The following FOXP1 variants were observed in gnomAD, a reference collection of about 807,000 sequenced individuals.
FOXP1 encodes forkhead box P1, also known as forkhead box protein P1.
Under a neutral mutation model 98.2 loss-of-function variants are expected in FOXP1, and 15 were observed. That is an observed-to-expected ratio of 0.15 (90% CI 0.10 to 0.24). The LOEUF (loss-of-function observed/expected upper bound fraction) is 0.24. FOXP1 is among the 10% of genes least tolerant of loss of function. FOXP1 has a pLI of 1.00. For synonymous variants in FOXP1, 371 were observed against 314.5 expected (o/e 1.18, Z -1.90); for missense variants, 633 against 848.5 (o/e 0.75, Z 3.15).
chr3:71,127,617 T>C (rs1045291549), intron 6 of FOXP1, among the ~76,000 whole-genome samples: 2 of 152,218 alleles, frequency 1.3e-5, no homozygotes, highest in Non-Finnish European at 2.9e-5. Flanking sequence ...GGGCTGACTA[T>C]GTCACAGGAA....
chr3:71,255,633 T>G (rs2068560016), intron 5 of FOXP1, among the ~76,000 whole-genome samples: 1 of 152,198 alleles, frequency 6.6e-6, no homozygotes, highest in Non-Finnish European at 1.5e-5. Flanking sequence ...CTCTGTTTAT[T>G]AGCAAAAGAA....
chr3:71,169,803 T>G (rs1341872243), intron 6 of FOXP1, among the ~76,000 whole-genome samples: 1 of 151,972 alleles, frequency 6.6e-6, no homozygotes, highest in Non-Finnish European at 1.5e-5. Flanking sequence ...AAAAAAAGAT[T>G]TTTTGCTCAG....
chr3:71,378,449 G>A (rs777741443), intron 3 of FOXP1, among the ~76,000 whole-genome samples: 3 of 152,092 alleles, frequency 2.0e-5, no homozygotes, highest in Non-Finnish European at 2.9e-5. Flanking sequence ...ACCATGCTGA[G>A]CAGCGTGAGG....
At chr3:71,279,473 G>A (rs2071282204) in intron 5 of FOXP1, among the ~76,000 whole-genome samples, 1 of 152,062 alleles carries the variant, frequency 6.6e-6, no homozygotes, top group African/African-American at 2.4e-5. Flanking sequence ...AGCAGGTACA[G>A]ACCAGGGACG....
chr3:71,329,005 T>TAAAAAAAAA (rs2076117932), intron 4 of FOXP1, among the ~76,000 whole-genome samples: 1 of 102,728 alleles, frequency 9.7e-6, no homozygotes, highest in African/African-American at 3.5e-5. Context: ...AAAAAAAAAC[T>TAAAAAAAAA]GACAGTTTCA....
At chr3:71,254,842 A>G (rs780522283) in intron 5 of FOXP1, among the ~76,000 whole-genome samples, 1 of 152,172 alleles carries the variant, frequency 6.6e-6, no homozygotes. Context: ...GTCAAACTCC[A>G]TATCTTATAT....
chr3:71,020,782 C>A (rs2107790212), intron 11 of FOXP1, among the ~76,000 whole-genome samples: 1 of 152,260 alleles, frequency 6.6e-6, no homozygotes, highest in Admixed American at 6.5e-5. Context: ...CTTAATTTTT[C>A]TTCCCTTTTC....
chr3:70,970,643 TTAATATC>T, intron 19 of FOXP1, 86 bp downstream of exon 19: 4 of 1,077,586 alleles, frequency 3.7e-6, no homozygotes, highest in Non-Finnish European at 5.8e-6. Flanking sequence ...GAATTAAAAT[TTAATATC>T]TAATTAGAGC....
At chr3:71,482,426 T>C (rs2090347289) in intron 3 of FOXP1, among the ~76,000 whole-genome samples, 1 of 140,106 alleles carries the variant, frequency 7.1e-6, no homozygotes, top group South Asian at 2.3e-4. Flanking sequence ...TGGAGTACAA[T>C]GGTGAGGTCT....
intron 3 of FOXP1, among the ~76,000 whole-genome samples, chr3:71,479,041 G>A (rs2090072897): frequency 6.6e-6 from 1 of 152,182 alleles, no homozygotes; most frequent in South Asian, 2.1e-4. Flanking sequence ...CTCAAAATTA[G>A]CTTGAATAGT....
chr3:71,125,259 G>A (rs2059082312), intron 6 of FOXP1, among the ~76,000 whole-genome samples: 1 of 152,272 alleles, frequency 6.6e-6, no homozygotes. Context: ...TATATAAACA[G>A]AAAGTTTATG....
chr3:71,236,675 G>A (rs1317570495), intron 5 of FOXP1, among the ~76,000 whole-genome samples: 4 of 152,118 alleles, frequency 2.6e-5, no homozygotes, highest in African/African-American at 9.7e-5. Flanking sequence ...TTGGAGACCA[G>A]CCTGGGCAAC....
chr3:71,343,553 G>GT (rs1204955681), intron 4 of FOXP1, among the ~76,000 whole-genome samples: 3 of 50,066 alleles, frequency 6.0e-5, no homozygotes, highest in Non-Finnish European at 1.4e-4. Flanking sequence ...ATCTCAATTA[G>GT]ATTTTTTTTT....
intron 1 of FOXP1, chr3:71,582,846 T>G (rs551944761): frequency 1.0e-6 from 1 of 967,682 alleles, no homozygotes; most frequent in Non-Finnish European, 1.2e-6. Context: ...TCCTCGCCGC[T>G]GACTCTCGGG....
At chr3:71,457,112 T>C (rs1194763990) in intron 3 of FOXP1, among the ~76,000 whole-genome samples, 5 of 151,274 alleles carry the variant, frequency 3.3e-5, no homozygotes, top group Admixed American at 2.0e-4. Flanking sequence ...ATCCTCACTA[T>C]GAAACTTAAA....
At position 71,583,601 on chromosome 3, in the gene FOXP1, A is replaced by G; in HGVS notation, c.-477T>C. On this transcript the variant is annotated 5_prime_UTR_variant, in exon 1 of 21. Coordinates refer to ENST00000649528, the MANE Select transcript of FOXP1 (RefSeq NM_001349338.3). ...GCAAATGGTCTCTCGGTGCAAACTA[A>G]GGTGTTTTCGGGCCTTTCCCCGCGC... is the stretch of plus-strand genomic sequence containing the variant. 2 of 981,774 alleles carry G rather than the reference A, an allele frequency of 2.0e-6. No individual in the cohort carries two copies. Among genetic ancestry groups the G allele is most frequent in the Non-Finnish European group, 2.4e-6 (2 of 829,018 alleles). 60.8% of individuals were successfully genotyped at this position (981,774 alleles called of 1,614,324 possible).
chr3:71,449,009 C>G (rs1453578401), intron 3 of FOXP1, among the ~76,000 whole-genome samples: 4 of 152,178 alleles, frequency 2.6e-5, no homozygotes, highest in African/African-American at 9.7e-5. Context: ...ATGACCAGAC[C>G]TAACCCCAAA....
intron 3 of FOXP1, among the ~76,000 whole-genome samples, chr3:71,418,289 C>CA (rs1577394096): frequency 1.3e-5 from 2 of 152,164 alleles, no homozygotes; most frequent in African/African-American, 4.8e-5. Flanking sequence ...CAAGCTGGCA[C>CA]AAGGCTCAAC....
intron 3 of FOXP1, among the ~76,000 whole-genome samples, chr3:71,425,428 T>G (rs779526946): frequency 3.9e-5 from 6 of 152,108 alleles, no homozygotes; most frequent in African/African-American, 1.4e-4. Context: ...ACCCAGCCAT[T>G]TTACTGTTCT....
Sources: allele counts gnomAD v4.1 joint callset (sites outside exome capture counted in the v4.1 genomes callset), GRCh38; gene constraint gnomAD v4.1.1; transcripts MANE v1.5; gene names NCBI Gene and HGNC (gene_info 2026-07-23, HGNC 2026-07-21).